The following NCKAP5 variants were observed in gnomAD, a reference collection of about 807,000 sequenced individuals.
NCKAP5 encodes NCK associated protein 5, also known as nck-associated protein 5.
NCKAP5 carries 92 observed loss-of-function variants against 167.0 expected under a neutral mutation model. The observed-to-expected ratio is 0.55, with a 90% CI of 0.47 to 0.66. NCKAP5 has a LOEUF of 0.66. Among genes scored for constraint, NCKAP5 ranks in the 30% least tolerant of loss-of-function variants. The pLI is 0.00. For missense variants in NCKAP5, 2,378 were observed against 2,315.0 expected (o/e 1.03, Z -0.56); for synonymous variants, 891 against 877.4 (o/e 1.02, Z -0.27).
chr2:133,614,617 C>T, the NCKAP5 span, among the ~76,000 whole-genome samples: 525 of 151,742 alleles, frequency 3.5e-3, 1 homozygote, highest in Middle Eastern at 6.8e-3. Context: ...TAAAAAGAAA[C>T]GAACAAAGCC....
intron 6 of NCKAP5, among the ~76,000 whole-genome samples, chr2:133,008,944 C>T (rs2078062028): frequency 1.3e-5 from 2 of 152,144 alleles, no homozygotes; most frequent in Non-Finnish European, 2.9e-5. Context: ...TCTCTTCTCC[C>T]CTTGCCTATC....
chr2:132,935,941 A>G (rs7578704), intron 8 of NCKAP5, among the ~76,000 whole-genome samples: 51 of 152,196 alleles, frequency 3.4e-4, no homozygotes, highest in African/African-American at 1.2e-3. Flanking sequence ...ATGATAATTC[A>G]GGCAAAAGAG....
intron 7 of NCKAP5, among the ~76,000 whole-genome samples, chr2:132,975,922 C>A (rs1321816286): frequency 6.6e-6 from 1 of 152,120 alleles, no homozygotes; most frequent in Non-Finnish European, 1.5e-5. Context: ...CCAGAAGGAA[C>A]TGACAACCCC....
intron 2 of NCKAP5, among the ~76,000 whole-genome samples, chr2:133,548,981 C>A (rs547353137): frequency 2.0e-5 from 3 of 151,742 alleles, no homozygotes; most frequent in African/African-American, 7.3e-5. Context: ...ATTCAGGAAA[C>A]CCATCTCACA....
Position 133,199,351 on chromosome 2 carries a change from G to A in NCKAP5, c.207+14365C>T, listed in dbSNP as rs184174686. ...AATTGCAACACATATTTTGACAAGA[G>A]ACTTATATTCAAAATATGTAAAGAA... On this transcript the variant is annotated intron_variant, in intron 5 of 19. Transcript: ENST00000409261. Among the ~76,000 whole-genome samples the A allele has an allele frequency of 1.6e-3, 239 of 151,990 alleles. 2 individuals are homozygous for A. Among genetic ancestry groups the A allele is most frequent in the African/African-American group, 5.2e-3 (215 of 41,536 alleles).
intron 4 of NCKAP5, chr2:133,267,353 A>C (rs1326715718): frequency 6.6e-6 from 1 of 152,226 alleles, no homozygotes; most frequent in Non-Finnish European, 1.5e-5. Flanking sequence ...AACTAAACAA[A>C]CAGGTCTCTT....
Position 133,410,708 on chromosome 2 carries a change from G to A in NCKAP5, c.69+106750C>T, listed in dbSNP as rs13408231. On this transcript the variant is annotated intron_variant, in intron 3 of 19. Transcript: ENST00000409261. ...CAGCTTCAGAAATTCAGGGGGTGAA[G>A]TCCAATGAAGTATGTTTTAATAAGT... Among the ~76,000 whole-genome samples the A allele has an allele frequency of 9.7e-4, 148 of 152,270 alleles. 2 individuals carry two copies. The highest frequency in any genetic ancestry group is 3.4e-3 in the Middle Eastern group (1 of 294).
intron 8 of NCKAP5, among the ~76,000 whole-genome samples, chr2:132,956,901 C>G (rs1196831652): frequency 2.0e-5 from 3 of 152,198 alleles, no homozygotes; most frequent in Non-Finnish European, 2.9e-5. Flanking sequence ...ACACCAGACA[C>G]TCTCCCCAGG....
chr2:133,368,075 A>G (rs962658254), intron 3 of NCKAP5, among the ~76,000 whole-genome samples: 2 of 152,218 alleles, frequency 1.3e-5, no homozygotes, highest in African/African-American at 2.4e-5. Context: ...GAAGGTAGAA[A>G]GAGCTCATCA....
At chr2:133,171,248 G>A (rs979907638) in intron 5 of NCKAP5, among the ~76,000 whole-genome samples, 2 of 152,188 alleles carry the variant, frequency 1.3e-5, no homozygotes, top group Admixed American at 6.5e-5. Context: ...GAATGATAAA[G>A]AGAAGTAGGC....
chr2:132,780,394 C>T (rs964928811), intron 15 of NCKAP5, among the ~76,000 whole-genome samples: 9 of 152,202 alleles, frequency 5.9e-5, no homozygotes, highest in African/African-American at 1.9e-4. Flanking sequence ...TTGTGATCCG[C>T]CCGCCTCAGC....
At chr2:132,952,653 C>A (rs2076222942) in intron 8 of NCKAP5, among the ~76,000 whole-genome samples, 1 of 152,146 alleles carries the variant, frequency 6.6e-6, no homozygotes, top group African/African-American at 2.4e-5. Context: ...ACTGAGAAAC[C>A]TAAATTGCAG....
chr2:133,504,862 T>A (rs549130320), intron 3 of NCKAP5, among the ~76,000 whole-genome samples: 2 of 152,160 alleles, frequency 1.3e-5, no homozygotes, highest in Non-Finnish European at 2.9e-5. Flanking sequence ...TGAGTCTTTT[T>A]TCCCCCTATC....
At chr2:133,421,623 C>G (rs1196930006) in intron 3 of NCKAP5, among the ~76,000 whole-genome samples, 1 of 152,180 alleles carries the variant, frequency 6.6e-6, no homozygotes, top group Admixed American at 6.5e-5. Context: ...GCACAGCCTG[C>G]GTTTACTCAC....
At chr2:133,638,822 C>T in the NCKAP5 span, among the ~76,000 whole-genome samples, 52 of 146,180 alleles carry the variant, frequency 3.6e-4, no homozygotes, top group South Asian at 5.0e-3. Context: ...TTCACCACTG[C>T]GCTCCAGCCT....
chr2:132,786,264 C>T (rs1683558646), intron 13 of NCKAP5, among the ~76,000 whole-genome samples: 1 of 152,118 alleles, frequency 6.6e-6, no homozygotes, highest in African/African-American at 2.4e-5. Flanking sequence ...GAGGGAATGA[C>T]TAGAAGATGA....
chr2:133,524,498 C>T (rs888532782), intron 2 of NCKAP5, among the ~76,000 whole-genome samples: 4 of 152,070 alleles, frequency 2.6e-5, no homozygotes, highest in African/African-American at 9.7e-5. Flanking sequence ...AGTTAATGTA[C>T]GTATATCATA....
At chr2:133,063,503 G>A (rs893980722) in intron 6 of NCKAP5, among the ~76,000 whole-genome samples, 2 of 152,190 alleles carry the variant, frequency 1.3e-5, no homozygotes, top group African/African-American at 2.4e-5. Context: ...TCAAGGTGAA[G>A]CAATTTCTGA....
chr2:133,202,648 G>A (rs2085751031), intron 5 of NCKAP5, among the ~76,000 whole-genome samples: 1 of 151,922 alleles, frequency 6.6e-6, no homozygotes, highest in Admixed American at 6.6e-5. Context: ...TCTGACAAAG[G>A]GCTAATATCC....
Sources: gnomAD v4.1 joint callset for allele counts (sites outside exome capture counted in the v4.1 genomes callset) on GRCh38, gnomAD v4.1.1 for gene constraint, MANE v1.5 for transcripts, NCBI Gene and HGNC (gene_info 2026-07-23, HGNC 2026-07-21) for gene names.